OLFM2: variants seen among roughly 807,000 people sequenced by gnomAD.
The protein encoded by OLFM2 is olfactomedin 2.
OLFM2 carries 20 observed loss-of-function variants against 43.9 expected under a neutral mutation model. That is an observed-to-expected ratio of 0.46 (90% confidence interval 0.32 to 0.66). OLFM2 has a LOEUF of 0.66. Among genes scored for constraint, OLFM2 ranks in the 30% least tolerant of loss-of-function variants. The pLI, the probability that OLFM2 is intolerant of heterozygous loss-of-function variation, is 0.04. For missense variants in OLFM2, 416 were observed against 643.6 expected (o/e 0.65, Z 3.83); for synonymous variants, 268 against 278.6 (o/e 0.96, Z 0.38).
At chr19:9,871,516 T>G (rs1468308248) in intron 1 of OLFM2, among the ~76,000 whole-genome samples, 1 of 147,966 alleles carries the variant, frequency 6.8e-6, no homozygotes, top group African/African-American at 2.5e-5. Flanking sequence ...AAGGTTGCAG[T>G]GAGCTGAGAT....
intron 1 of OLFM2, among the ~76,000 whole-genome samples, chr19:9,894,382 T>G (rs2046663745): frequency 1.3e-5 from 1 of 75,630 alleles, no homozygotes; most frequent in Admixed American, 1.8e-4. Context: ...CTCTCAATAA[T>G]AATAATAATA....
chr19:9,886,279 C>A (rs1256596604), intron 1 of OLFM2, among the ~76,000 whole-genome samples: 1 of 152,048 alleles, frequency 6.6e-6, no homozygotes, highest in Non-Finnish European at 1.5e-5. Flanking sequence ...GATCTTGGCT[C>A]ACTGCAACCT....
intron 1 of OLFM2, among the ~76,000 whole-genome samples, chr19:9,932,276 C>G (rs535433929): frequency 1.3e-5 from 2 of 151,806 alleles, no homozygotes; most frequent in South Asian, 4.2e-4. Flanking sequence ...ATGGTGAAAC[C>G]CTGTCTCTAC....
At chr19:9,874,247 TGAC>T (rs1252020428) in intron 1 of OLFM2, among the ~76,000 whole-genome samples, 1 of 152,090 alleles carries the variant, frequency 6.6e-6, no homozygotes, top group Non-Finnish European at 1.5e-5. Context: ...ATCTGGTCTA[TGAC>T]GTTTCTGTCT....
At chr19:9,898,099 C>T (rs1448626112) in intron 1 of OLFM2, among the ~76,000 whole-genome samples, 1 of 145,598 alleles carries the variant, frequency 6.9e-6, no homozygotes, top group African/African-American at 2.5e-5. Flanking sequence ...GAGACAGACA[C>T]GGGATTTCAC....
chr19:9,911,983 C>T (rs999336284), intron 1 of OLFM2, among the ~76,000 whole-genome samples: 2 of 152,114 alleles, frequency 1.3e-5, no homozygotes, highest in South Asian at 2.1e-4. Flanking sequence ...CATGCTGATA[C>T]GTCCACACCC....
intron 1 of OLFM2, among the ~76,000 whole-genome samples, chr19:9,902,102 C>T (rs8112485): frequency 1.6e-3 from 239 of 152,020 alleles, no homozygotes; most frequent in African/African-American, 5.6e-3. Flanking sequence ...GATCTCGGCT[C>T]ACTGCAAGCT....
chr19:9,936,495 C>G lies in OLFM2; in HGVS notation c.-129G>C. 1 of 644,144 alleles carries G rather than the reference C, an allele frequency of 1.6e-6. No homozygotes were observed. Among genetic ancestry groups the G allele is most frequent in the Non-Finnish European group, 1.9e-6 (1 of 518,200 alleles). 39.9% of individuals were successfully genotyped at this position (644,144 alleles called of 1,614,324 possible). A position where few individuals can be genotyped will look rare whatever the true frequency, so the allele number is the denominator to read the frequency against. On this transcript the variant is annotated 5_prime_UTR_variant, in exon 1 of 6. Transcript: ENST00000264833. ...TGCGCCGCCGCCTCCCCCGCCTCGC[C>G]GGCGGCCGGGATTCCGCCCCACCCC...
chr19:9,859,598 G>A (rs1299722302), intron 2 of OLFM2, among the ~76,000 whole-genome samples: 5 of 152,148 alleles, frequency 3.3e-5, no homozygotes, highest in Non-Finnish European at 5.9e-5. Flanking sequence ...CGGCCCAGGG[G>A]ACTATTTTCT....
chr19:9,912,598 CCT>C (rs1249059075), intron 1 of OLFM2, among the ~76,000 whole-genome samples: 2 of 151,888 alleles, frequency 1.3e-5, no homozygotes, highest in Non-Finnish European at 2.9e-5. Flanking sequence ...AAACCCCTCC[CCT>C]CTCTCCTCAG....
At chr19:9,902,494 T>C (rs2046749684) in intron 1 of OLFM2, among the ~76,000 whole-genome samples, 2 of 151,598 alleles carry the variant, frequency 1.3e-5, no homozygotes, top group Non-Finnish European at 2.9e-5. Context: ...GCGATTCTCC[T>C]GCCTCAGCTT....
At chr19:9,919,370 G>A (rs982924521) in intron 1 of OLFM2, among the ~76,000 whole-genome samples, 2 of 152,114 alleles carry the variant, frequency 1.3e-5, no homozygotes, top group Non-Finnish European at 2.9e-5. Flanking sequence ...GTTTCACTGT[G>A]TTAGCCAGGA....
chr19:9,932,421 C>T (rs1424826600), intron 1 of OLFM2, among the ~76,000 whole-genome samples: 1 of 149,012 alleles, frequency 6.7e-6, no homozygotes, highest in African/African-American at 2.5e-5. Context: ...CGCCACTGCA[C>T]TCCAGCCCAG....
intron 1 of OLFM2, among the ~76,000 whole-genome samples, chr19:9,929,355 G>C (rs754659093): frequency 6.6e-6 from 1 of 152,146 alleles, no homozygotes; most frequent in Non-Finnish European, 1.5e-5. Context: ...CACTTTGGGA[G>C]GCTGAGGCGG....
At chr19:9,934,811 C>T (rs903464973) in intron 1 of OLFM2, among the ~76,000 whole-genome samples, 1 of 152,168 alleles carries the variant, frequency 6.6e-6, no homozygotes, top group Admixed American at 6.6e-5. Flanking sequence ...AATCTCTCCT[C>T]GTGGCCTGGA....
At chr19:9,887,803 C>A (rs1376879663) in intron 1 of OLFM2, among the ~76,000 whole-genome samples, 1 of 152,126 alleles carries the variant, frequency 6.6e-6, no homozygotes, top group Non-Finnish European at 1.5e-5. Context: ...TATTTTGAGG[C>A]CAGAGGATCA....
At chr19:9,890,108 C>T (rs1019291689) in intron 1 of OLFM2, among the ~76,000 whole-genome samples, 1 of 152,080 alleles carries the variant, frequency 6.6e-6, no homozygotes, top group African/African-American at 2.4e-5. Context: ...CTTCTCTTCC[C>T]TCTGGGCTCC....
In OLFM2 at chr19:9,936,485, C is replaced by T. The variant is rs1485837505; in HGVS notation, c.-119G>A. The T allele has an allele frequency of 1.4e-6, 1 of 708,354 alleles. No homozygotes were observed. The highest frequency in any genetic ancestry group is 1.7e-6 in the Non-Finnish European group (1 of 576,378). 43.9% of individuals were successfully genotyped at this position (708,354 alleles called of 1,614,324 possible). ...GGGGCGACCCTGCGCCGCCGCCTCC[C>T]CCGCCTCGCCGGCGGCCGGGATTCC... is the stretch of plus-strand genomic sequence containing the variant. On this transcript the variant is annotated 5_prime_UTR_variant, in exon 1 of 6. Coordinates refer to ENST00000264833, the MANE Select transcript of OLFM2 (RefSeq NM_058164.4).
intron 1 of OLFM2, among the ~76,000 whole-genome samples, chr19:9,865,485 CTTTTTTTTTT>C (rs71188847): frequency 1.4e-5 from 1 of 73,654 alleles, no homozygotes; most frequent in Non-Finnish European, 2.4e-5. Context: ...TCTGTTTTTT[CTTTTTTTTTT>C]TTTTTTTTTT....
Sources: allele counts gnomAD v4.1 joint callset (sites outside exome capture counted in the v4.1 genomes callset), GRCh38; gene constraint gnomAD v4.1.1; transcripts MANE v1.5; gene names NCBI Gene and HGNC (gene_info 2026-07-23, HGNC 2026-07-21).